Variants in CCDC102A observed in about 807,000 individuals in gnomAD.
CCDC102A encodes the protein coiled-coil domain containing 102A.
A neutral mutation model predicts 55.5 loss-of-function variants in CCDC102A; 40 were observed. The ratio of observed to expected loss-of-function variants is 0.72; its 90% CI spans 0.56 to 0.94. CCDC102A has a LOEUF of 0.94. CCDC102A is among the 40% of genes least tolerant of loss of function. The probability of loss-of-function intolerance (pLI) is 0.00; values close to 1 mark genes in which losing one functional copy is unlikely to be tolerated. For missense variants in CCDC102A, 779 were observed against 768.6 expected (o/e 1.01, Z -0.16); for synonymous variants, 323 against 339.0 (o/e 0.95, Z 0.52).
chr16:57,516,221 A>G lies in CCDC102A; in HGVS notation c.1419+72T>C. ...ACCAGGGGCTGAGAATGGAGAAGCC[A>G]GGATGGCCCTGCGGCCCCCACTCCT... On this transcript the variant is annotated intron_variant, in intron 7 of 8. Transcript: ENST00000258214. The surrounding 1 kb of genome is among the most constrained non-coding windows in gnomAD (Gnocchi z 4.4). 1 of 1,484,030 alleles carries G rather than the reference A, an allele frequency of 6.7e-7. No individual in the cohort carries two copies. The highest frequency in any genetic ancestry group is 1.2e-5 in the South Asian group (1 of 83,318). 91.9% of individuals were successfully genotyped at this position (1,484,030 alleles called of 1,614,324 possible).
intron 8 of CCDC102A, among the ~76,000 whole-genome samples, chr16:57,513,882 G>A (rs2031909583): frequency 6.6e-6 from 1 of 152,180 alleles, no homozygotes; most frequent in Non-Finnish European, 1.5e-5. Flanking sequence ...CATTCTCTAA[G>A]CCACAAGATC....
chr16:57,526,240 T>C, intron 2 of CCDC102A, 113 bp from the exon 3 acceptor site: 4 of 730,716 alleles, frequency 5.5e-6, no homozygotes, highest in African/African-American at 1.8e-5. Flanking sequence ...GGGCCTCAGT[T>C]TCCTCTTCTG....
intron 1 of CCDC102A, among the ~76,000 whole-genome samples, chr16:57,536,120 A>T (rs1420529909): frequency 6.6e-6 from 1 of 151,410 alleles, no homozygotes; most frequent in Non-Finnish European, 1.5e-5. Context: ...CCGTGCTCTG[A>T]TTGGCCAGCG....
rs1255267101 is a variant in CCDC102A, at chr16:57,518,733, G to A, written c.930C>T (p.Ile310=). The change falls in exon 5 of 9, where the codon ATC becomes ATT. Residue 310 remains isoleucine, a synonymous_variant. Transcript: ENST00000258214. ...TKQEMLKQLS[I]LKEAHQDELG... ...GCTCGTCCTGGTGCGCCTCCTTCAG[G>A]ATGCTGAGCTGCAGGGATAAGGCCC... The A allele has an allele frequency of 6.2e-7, 1 of 1,603,770 alleles. No individual in the cohort carries two copies.
At chr16:57,515,491 G>A (rs1430549236) in intron 7 of CCDC102A, 47 bp from the exon 8 acceptor site, 1 of 1,285,112 alleles carries the variant, frequency 7.8e-7, no homozygotes, top group Admixed American at 1.9e-5. Flanking sequence ...CCCAGGGCTG[G>A]GCAAGGCCGG....
chr16:57,523,877 T>C (rs34577811), intron 3 of CCDC102A, among the ~76,000 whole-genome samples: 48,349 of 151,992 alleles, frequency 0.32, 9,585 homozygotes, highest in African/African-American at 0.57. Context: ...GCGTGGAGTG[T>C]TCCACTCTCA....
chr16:57,531,470 A>G (rs552825023), intron 1 of CCDC102A, among the ~76,000 whole-genome samples: 15 of 147,606 alleles, frequency 1.0e-4, no homozygotes, highest in African/African-American at 3.7e-4. Context: ...CACCTGGGTA[A>G]CAGTACCCAC....
intron 4 of CCDC102A, among the ~76,000 whole-genome samples, chr16:57,520,865 G>C (rs528494216): frequency 6.6e-6 from 1 of 151,370 alleles, no homozygotes; most frequent in African/African-American, 2.4e-5. Flanking sequence ...GCTTGAACCC[G>C]GGAGGTGGAG....
chr16:57,534,404 C>T (rs1330454131), intron 1 of CCDC102A, among the ~76,000 whole-genome samples: 3 of 152,356 alleles, frequency 2.0e-5, no homozygotes, highest in Middle Eastern at 3.4e-3. Context: ...GCCCTGCCCA[C>T]AGAAAGTGAC....
chr16:57,524,575 T>TAAA (rs755245537), intron 3 of CCDC102A, among the ~76,000 whole-genome samples: 43,595 of 148,048 alleles, frequency 0.29, 7,959 homozygotes, highest in African/African-American at 0.53. Flanking sequence ...AGGCTCTGTC[T>TAAA]AAAAAAAATA....
chr16:57,512,812 C>G lies in CCDC102A; in HGVS notation c.1582G>C (p.Gly528Arg). The change falls in exon 9 of 9, where the codon GGC (glycine) becomes CGC (arginine). Residue 528 changes from glycine (G) to arginine (R), a missense_variant. Coordinates refer to ENST00000258214, the MANE Select transcript of CCDC102A (RefSeq NM_033212.4). Reference protein sequence around the residue: ...LFGKIRSARFGTEEAEDGTSD... With the variant: ...LFGKIRSARFRTEEAEDGTSD... Reference sequence around the variant, plus strand: ...GTTCCATCCTCGGCCTCCTCGGTGCCAAAGCGAGCACTGCGGATCTTCCCG... The same window carrying G: ...GTTCCATCCTCGGCCTCCTCGGTGCGAAAGCGAGCACTGCGGATCTTCCCG... 1 of 1,614,150 alleles carries G rather than the reference C, an allele frequency of 6.2e-7. No homozygotes were observed.
At chr16:57,522,042 G>A (rs1186716758) in intron 3 of CCDC102A, among the ~76,000 whole-genome samples, 2 of 152,224 alleles carry the variant, frequency 1.3e-5, no homozygotes, top group Admixed American at 6.5e-5. Flanking sequence ...TGCCCTGGGC[G>A]TCCTGCCCAT....
intron 4 of CCDC102A, among the ~76,000 whole-genome samples, chr16:57,520,688 C>T (rs1192757970): frequency 6.6e-6 from 1 of 151,614 alleles, no homozygotes; most frequent in African/African-American, 2.4e-5. Flanking sequence ...CACCTGTAAT[C>T]CCAGCACTTT....
chr16:57,515,508 G>A (rs1326062216), intron 7 of CCDC102A, 64 bp from the exon 8 acceptor site: 23 of 1,078,070 alleles, frequency 2.1e-5, no homozygotes, highest in Middle Eastern at 5.6e-4. Flanking sequence ...CCGGCCACCC[G>A]CCCAGGGAAA....
intron 1 of CCDC102A, among the ~76,000 whole-genome samples, chr16:57,531,229 T>TC (rs1184633906): frequency 6.6e-6 from 1 of 151,588 alleles, no homozygotes; most frequent in African/African-American, 2.4e-5. Flanking sequence ...CTGCCTCCAT[T>TC]CCCCCCGTGA....
chr16:57,532,678 G>C (rs1472031069), intron 1 of CCDC102A, among the ~76,000 whole-genome samples: 1 of 148,740 alleles, frequency 6.7e-6, no homozygotes, highest in Non-Finnish European at 1.5e-5. Context: ...AAGGAGACAT[G>C]CTCATCCCCA....
rs1377318057 is a variant in CCDC102A at position 57,526,133 on chromosome 16, G to A, written c.586-6C>T. 3.3e-6 allele frequency: 5 copies of A among 1,531,496 alleles called. No homozygotes were observed. Among genetic ancestry groups the A allele is most frequent in the Non-Finnish European group, 4.4e-6 (5 of 1,146,684 alleles). The allele number at this position is 1,531,496 out of a possible 1,614,324, so 94.9% of individuals were successfully genotyped here. A position where few individuals can be genotyped will look rare whatever the true frequency, so the allele number is the denominator to read the frequency against. On this transcript the variant is annotated splice_region_variant and splice_polypyrimidine_tract_variant and intron_variant, in intron 2 of 8. Transcript: ENST00000258214. Reference sequence around the variant, plus strand: ...CTCTCCACCAGCTCCAGTTCCTGCGGGGACCAAGGTGGAGGCTGGACCAGT... The same window carrying A: ...CTCTCCACCAGCTCCAGTTCCTGCGAGGACCAAGGTGGAGGCTGGACCAGT...
At chr16:57,536,011 C>CTA (rs1417674530) in intron 1 of CCDC102A, among the ~76,000 whole-genome samples, 1 of 152,204 alleles carries the variant, frequency 6.6e-6, no homozygotes, top group African/African-American at 2.4e-5. Context: ...CACCTAGCGA[C>CTA]GGGCGGAGGG....
intron 1 of CCDC102A, among the ~76,000 whole-genome samples, chr16:57,531,950 C>T (rs141414738): frequency 2.6e-5 from 4 of 152,316 alleles, no homozygotes; most frequent in Middle Eastern, 3.4e-3. Flanking sequence ...AAGGTTCCTC[C>T]GTGCTGCTCA....
Sources: gnomAD v4.1 joint callset for allele counts (sites outside exome capture counted in the v4.1 genomes callset) on GRCh38, gnomAD v4.1.1 for gene constraint, Gnocchi (gnomAD v3.1) non-coding constraint, MANE v1.5 for transcripts, NCBI Gene and HGNC (gene_info 2026-07-23, HGNC 2026-07-21) for gene names.